ARMC9: variants seen among roughly 807,000 people sequenced by gnomAD.
ARMC9 encodes armadillo repeat containing 9.
A neutral mutation model predicts 107.0 loss-of-function variants in ARMC9; 94 were observed. The observed-to-expected ratio is 0.88, with a 90% CI of 0.74 to 1.04. The LOEUF is 1.04. Ranked by LOEUF, ARMC9 falls within the 50% of genes least tolerant of loss-of-function variation. The pLI is 0.00. For synonymous variants in ARMC9, 380 were observed against 396.9 expected, an observed-to-expected ratio of 0.96 and a Z score of 0.51; for missense variants, 942 against 1,030.1, an observed-to-expected ratio of 0.91 and a Z score of 1.17.
At chr2:231,327,696 G>A (rs1317525910) in intron 19 of ARMC9, among the ~76,000 whole-genome samples, 1 of 152,172 alleles carries the variant, frequency 6.6e-6, no homozygotes, top group Non-Finnish European at 1.5e-5. Context: ...AAATGCCCAG[G>A]AGTATAATTG....
At position 231,371,977 on chromosome 2, in the gene ARMC9, G is replaced by GA. The variant is rs1575209942; in HGVS notation, c.*443dup. On this transcript the variant is annotated 3_prime_UTR_variant, in exon 25 of 25. Coordinates refer to ENST00000611582, the MANE Select transcript of ARMC9 (RefSeq NM_001352754.2). ...GAAGCCAGCCCTCCTCACTTGGGCT[G>GA]ACTACCAGGACCCAGAAGGAACTCA... is the stretch of plus-strand genomic sequence containing the variant. 6 of 169,010 alleles carry GA rather than the reference G, an allele frequency of 3.6e-5. No individual in the cohort carries two copies. In the East Asian group the frequency reaches 9.7e-4, roughly 27 times the overall value. 10.5% of individuals were successfully genotyped at this position (169,010 alleles called of 1,614,324 possible).
intron 17 of ARMC9, among the ~76,000 whole-genome samples, chr2:231,283,225 A>G (rs2040346831): frequency 6.6e-6 from 1 of 152,132 alleles, no homozygotes; most frequent in Admixed American, 6.6e-5. Flanking sequence ...TCTGACAGAT[A>G]CCCAATAGGA....
chr2:231,342,126 A>G (rs745741375), intron 20 of ARMC9, among the ~76,000 whole-genome samples: 3 of 152,204 alleles, frequency 2.0e-5, no homozygotes, highest in Non-Finnish European at 4.4e-5. Context: ...GGTGGCTCAC[A>G]CTGCAAGCAA....
rs143304502 is a variant in ARMC9, at chr2:231,314,427, G to A, written c.1774-17366G>A. Among the ~76,000 whole-genome samples, 40 of 152,204 alleles carry A rather than the reference G, an allele frequency of 2.6e-4. 1 individual carries two copies. The East Asian group carries it at 7.1e-3, about 27-fold the overall frequency. ...TTGTAAAAGTTTTTTATTTTGATGA[G>A]GTCTAGTTTATCTTTTTCATTTTTT... On this transcript the variant is annotated intron_variant, in intron 19 of 24. Coordinates refer to ENST00000611582, the MANE Select transcript of ARMC9 (RefSeq NM_001352754.2).
At chr2:231,309,627 TC>T (rs1386868874) in intron 19 of ARMC9, among the ~76,000 whole-genome samples, 4 of 152,178 alleles carry the variant, frequency 2.6e-5, no homozygotes, top group Non-Finnish European at 4.4e-5. Flanking sequence ...GGCCTGCTGT[TC>T]CTTGCAACTT....
At chr2:231,332,814 G>A (rs2043832137) in intron 20 of ARMC9, among the ~76,000 whole-genome samples, 1 of 152,144 alleles carries the variant, frequency 6.6e-6, no homozygotes, top group South Asian at 2.1e-4. Flanking sequence ...GAGCACATAG[G>A]GTAGAAGAGT....
chr2:231,251,783 T>C lies in ARMC9; in HGVS notation c.880-4803T>C, dbSNP rs559609704. 6.6e-5 allele frequency among the ~76,000 whole-genome samples: 10 copies of C among 152,252 alleles called. No homozygotes were observed. In the South Asian group the frequency reaches 2.1e-3, roughly 32 times the overall value. On this transcript the variant is annotated intron_variant, in intron 9 of 24. Transcript: ENST00000611582. ...CTCTGTCACCAAGGCTGCACCGCAG[T>C]GGTACAATCATAGCTCACTGCAGCC...
chr2:231,351,948 A>G (rs571680564), intron 21 of ARMC9, among the ~76,000 whole-genome samples: 2 of 152,210 alleles, frequency 1.3e-5, no homozygotes, highest in South Asian at 4.2e-4. Flanking sequence ...TATGTATTGC[A>G]CACATTCAGA....
intron 19 of ARMC9, among the ~76,000 whole-genome samples, chr2:231,312,382 TGTCAAA>T: frequency 6.6e-6 from 1 of 152,354 alleles, no homozygotes; most frequent in East Asian, 1.9e-4. Context: ...CAAATTCTAC[TGTCAAA>T]GTCACAAGGC....
chr2:231,314,172 C>G (rs371806985), intron 19 of ARMC9, among the ~76,000 whole-genome samples: 1 of 151,730 alleles, frequency 6.6e-6, no homozygotes, highest in African/African-American at 2.4e-5. Context: ...CTCCGCCTCA[C>G]AGGTTCAAGT....
intron 21 of ARMC9, among the ~76,000 whole-genome samples, chr2:231,346,304 A>G (rs57279178): frequency 0.2 from 30,318 of 151,858 alleles, 7,614 homozygotes; most frequent in African/African-American, 0.59. Flanking sequence ...GGCAAATCAC[A>G]AAGTCAGGAG....
chr2:231,367,024 G>A (rs1334556994), intron 23 of ARMC9, among the ~76,000 whole-genome samples: 11 of 151,338 alleles, frequency 7.3e-5, no homozygotes, highest in African/African-American at 2.7e-4. Context: ...CTAATTTTTT[G>A]TGTTTTTAGT....
chr2:231,274,677 G>A (rs137896617), intron 14 of ARMC9, among the ~76,000 whole-genome samples: 2 of 152,112 alleles, frequency 1.3e-5, no homozygotes, highest in Non-Finnish European at 2.9e-5. Flanking sequence ...ACTTTTTTCT[G>A]TCGGTCCTCT....
intron 5 of ARMC9, 45 bp downstream of exon 5, chr2:231,216,838 T>C: frequency 6.3e-7 from 1 of 1,579,702 alleles, no homozygotes; most frequent in Non-Finnish European, 8.6e-7. Flanking sequence ...TGGGTGACAT[T>C]GTGGTTTTAC....
intron 21 of ARMC9, among the ~76,000 whole-genome samples, chr2:231,349,555 G>T (rs1384438723): frequency 6.6e-6 from 1 of 152,168 alleles, no homozygotes. Context: ...GCCGAGGCGG[G>T]TAGATCACTT....
intron 19 of ARMC9, among the ~76,000 whole-genome samples, chr2:231,313,318 G>C (rs1559447386): frequency 2.6e-5 from 4 of 152,120 alleles, no homozygotes; most frequent in African/African-American, 9.7e-5. Context: ...TGCATGACAT[G>C]TTTTATTCTT....
chr2:231,287,419 T>G (rs1179791187), intron 17 of ARMC9, among the ~76,000 whole-genome samples: 2 of 152,208 alleles, frequency 1.3e-5, no homozygotes, highest in African/African-American at 4.8e-5. Context: ...CTTGGGAAAT[T>G]AACAGTGTAG....
chr2:231,341,594 T>G (rs1406720419), intron 20 of ARMC9, among the ~76,000 whole-genome samples: 2 of 152,162 alleles, frequency 1.3e-5, no homozygotes, highest in African/African-American at 4.8e-5. Context: ...TCAGATTATT[T>G]TCTATGTGTA....
chr2:231,262,036 A>T (rs997732633), intron 11 of ARMC9, among the ~76,000 whole-genome samples: 3 of 151,946 alleles, frequency 2.0e-5, no homozygotes, highest in Non-Finnish European at 4.4e-5. Context: ...GTTAGCCAGG[A>T]TGGTCTTGAT....
Sources: gnomAD v4.1 joint callset for allele counts (sites outside exome capture counted in the v4.1 genomes callset) on GRCh38, gnomAD v4.1.1 for gene constraint, MANE v1.5 for transcripts, NCBI Gene and HGNC (gene_info 2026-07-23, HGNC 2026-07-21) for gene names.